Variants in KLHL32 observed in about 807,000 individuals in gnomAD.
KLHL32 encodes the protein kelch-like protein 32.
A neutral mutation model predicts 64.8 loss-of-function variants in KLHL32; 35 were observed. The observed-to-expected ratio is 0.54, with a 90% CI of 0.41 to 0.72. The LOEUF (loss-of-function observed/expected upper bound fraction) is 0.72. Ranked by LOEUF, KLHL32 falls within the 30% of genes least tolerant of loss-of-function variation. The pLI, the probability that KLHL32 is intolerant of heterozygous loss-of-function variation, is 0.00. For synonymous variants in KLHL32, 259 were observed against 281.0 expected (o/e 0.92, Z 0.78); for missense variants, 589 against 768.5 (o/e 0.77, Z 2.76).
At chr6:97,085,077 G>T (rs763680562) in intron 5 of KLHL32, 49 bp from the exon 6 acceptor site, 1 of 1,531,694 alleles carries the variant, frequency 6.5e-7, no homozygotes, top group South Asian at 1.1e-5. Flanking sequence ...GCTCTTTCTC[G>T]GATTTATTTC....
At position 97,068,884 on chromosome 6, in the gene KLHL32, C is replaced by T. The variant is rs141076192; in HGVS notation, c.411+4158C>T. Among the ~76,000 whole-genome samples, 28 of 152,256 alleles carry T rather than the reference C, an allele frequency of 1.8e-4. No homozygotes were observed. The East Asian group carries it at 5.0e-3, about 27-fold the overall frequency. The stretch of plus-strand genomic sequence containing the variant: ...TAGAGGTGTATTTTTTATTCATGGA[C>T]ATTAATTTGTCATTAAGCGGCATTA... On this transcript the variant is annotated intron_variant, in intron 5 of 10. Coordinates refer to ENST00000369261, the MANE Select transcript of KLHL32 (RefSeq NM_052904.4).
intron 10 of KLHL32, among the ~76,000 whole-genome samples, chr6:97,134,915 A>G (rs1028799255): frequency 1.3e-5 from 2 of 152,214 alleles, no homozygotes; most frequent in African/African-American, 2.4e-5. Flanking sequence ...ATTTTTCTGT[A>G]AATGATCACT....
chr6:97,009,025 C>T (rs540808778), intron 3 of KLHL32, among the ~76,000 whole-genome samples: 27 of 151,978 alleles, frequency 1.8e-4, no homozygotes, highest in African/African-American at 6.0e-4. Flanking sequence ...CTGTGTATAT[C>T]CTTGGGCAAG....
chr6:97,121,653 T>C (rs1049350010), intron 7 of KLHL32, among the ~76,000 whole-genome samples: 2 of 152,174 alleles, frequency 1.3e-5, no homozygotes, highest in African/African-American at 2.4e-5. Flanking sequence ...TTGTTTTTTT[T>C]AATGTCCAAA....
At chr6:97,111,482 C>T (rs997995015) in intron 6 of KLHL32, among the ~76,000 whole-genome samples, 1 of 152,178 alleles carries the variant, frequency 6.6e-6, no homozygotes, top group Non-Finnish European at 1.5e-5. Context: ...GCACCCAACC[C>T]CTCATGGGAC....
chr6:96,917,491 G>A, the KLHL32 span, among the ~76,000 whole-genome samples: 1 of 152,204 alleles, frequency 6.6e-6, no homozygotes, highest in Non-Finnish European at 1.5e-5. Context: ...AGGAGGATGA[G>A]GTCAGAGAGA....
At chr6:97,066,907 A>G (rs1789843944) in intron 5 of KLHL32, among the ~76,000 whole-genome samples, 1 of 152,208 alleles carries the variant, frequency 6.6e-6, no homozygotes, top group African/African-American at 2.4e-5. Flanking sequence ...AAAAATTCCC[A>G]GTGCTTAAAA....
intron 3 of KLHL32, among the ~76,000 whole-genome samples, chr6:96,998,295 A>C (rs1778634721): frequency 6.6e-6 from 1 of 152,212 alleles, no homozygotes; most frequent in Non-Finnish European, 1.5e-5. Flanking sequence ...CATACTAAGC[A>C]GTCCCTGGGC....
the KLHL32 span, among the ~76,000 whole-genome samples, chr6:96,912,814 A>G: frequency 8.5e-5 from 13 of 152,074 alleles, no homozygotes; most frequent in African/African-American, 3.1e-4. Context: ...AACTACTTCC[A>G]TGATCCAGTT....
intron 3 of KLHL32, among the ~76,000 whole-genome samples, chr6:96,980,652 T>C (rs1320013031): frequency 1.3e-5 from 2 of 152,276 alleles, no homozygotes; most frequent in East Asian, 3.9e-4. Context: ...CAGGTTTTGG[T>C]ATCAGGATGA....
intron 5 of KLHL32, among the ~76,000 whole-genome samples, chr6:97,073,757 C>T (rs1045138436): frequency 6.6e-6 from 1 of 152,082 alleles, no homozygotes; most frequent in African/African-American, 2.4e-5. Context: ...TGAATTTTTC[C>T]TTACTGGGAG....
In KLHL32 at chr6:97,130,943, C is replaced by A; in HGVS notation, c.1600C>A (p.Leu534Met). 1 of 1,610,394 alleles carries A rather than the reference C, an allele frequency of 6.2e-7. No individual in the cohort carries two copies. The highest frequency in any genetic ancestry group is 8.5e-7 in the Non-Finnish European group (1 of 1,178,124). Residue 534 changes from leucine (L) to methionine (M), a missense_variant, in exon 9 of 11, where the codon CTG becomes ATG. This residue lies in a region of KLHL32 where 172 missense variants were observed against 192.0 expected (regional missense o/e 0.90). Transcript: ENST00000369261. The part of the protein sequence containing the change: ...DQWTRCNFNL[L>M]TGQNESGVAV... Reference sequence around the variant, plus strand: ...GTGGACACGTTGTAATTTCAACCTGCTGACTGGCAAGTACCTTTGATTAAG... The same window carrying A: ...GTGGACACGTTGTAATTTCAACCTGATGACTGGCAAGTACCTTTGATTAAG...
intron 1 of KLHL32, among the ~76,000 whole-genome samples, chr6:96,945,321 T>A (rs967083742): frequency 2.6e-5 from 4 of 152,078 alleles, no homozygotes; most frequent in African/African-American, 9.7e-5. Flanking sequence ...TTTTGAAGAG[T>A]TGCAAAACCA....
At chr6:97,033,917 A>T (rs1423093034) in intron 3 of KLHL32, among the ~76,000 whole-genome samples, 2 of 152,028 alleles carry the variant, frequency 1.3e-5, no homozygotes, top group Non-Finnish European at 2.9e-5. Flanking sequence ...AGTTCCTTAA[A>T]TATTTTGGAT....
At chr6:96,993,766 A>T (rs6939298) in intron 3 of KLHL32, among the ~76,000 whole-genome samples, 13,300 of 152,192 alleles carry the variant, frequency 0.087, 1,251 homozygotes, top group Admixed American at 0.22. Flanking sequence ...TGGCAGTAGT[A>T]ATCAAGTCTC....
chr6:96,972,010 C>G (rs1207452334), intron 2 of KLHL32, among the ~76,000 whole-genome samples: 1 of 151,976 alleles, frequency 6.6e-6, no homozygotes, highest in East Asian at 1.9e-4. Flanking sequence ...CGCCACCACA[C>G]CTGGCTAATT....
At chr6:96,978,721 C>T (rs373354159) in intron 3 of KLHL32, among the ~76,000 whole-genome samples, 10 of 152,312 alleles carry the variant, frequency 6.6e-5, no homozygotes, top group Admixed American at 1.3e-4. Flanking sequence ...AATTGCCAAA[C>T]GGCTTTCCAC....
Position 97,113,827 on chromosome 6 carries a change from G to A in KLHL32, c.672G>A (p.Met224Ile). 6.2e-7 allele frequency: 1 copy of A among 1,614,136 alleles called. No individual in the cohort carries two copies. Among genetic ancestry groups the A allele is most frequent in the Middle Eastern group, 1.6e-4 (1 of 6,062 alleles). ...AACACAACTGCCACTACCAGTACAT[G>A]GACGAGCTCCTGCAATACATCCGCT... ...WLEHNCHYQY[M>I]DELLQYIRFG... Residue 224 changes from methionine (M) to isoleucine (I), a missense_variant, in exon 7 of 11, where the codon ATG becomes ATA. Transcript: ENST00000369261.
At chr6:97,108,788 C>G (rs1288252573) in intron 6 of KLHL32, among the ~76,000 whole-genome samples, 1 of 152,096 alleles carries the variant, frequency 6.6e-6, no homozygotes, top group Non-Finnish European at 1.5e-5. Context: ...TGTATAGAAC[C>G]AAGGTCTCAA....
Sources: allele counts gnomAD v4.1 joint callset (sites outside exome capture counted in the v4.1 genomes callset), GRCh38; gene constraint gnomAD v4.1.1; regional missense constraint gnomAD v4.1.1; transcripts MANE v1.5; gene names NCBI Gene and HGNC (gene_info 2026-07-23, HGNC 2026-07-21).